The following MAPK4 variants were observed in gnomAD, a reference collection of about 807,000 sequenced individuals.
MAPK4 encodes the protein Erk3-related.
Under a neutral mutation model 47.7 loss-of-function variants are expected in MAPK4, and 22 were observed. That is an observed-to-expected ratio of 0.46 (90% CI 0.33 to 0.66). The LOEUF (loss-of-function observed/expected upper bound fraction) is 0.66, where lower values mean the gene tolerates loss of function less well. Among genes scored for constraint, MAPK4 ranks in the 30% least tolerant of loss-of-function variants. The pLI is 0.02. For synonymous variants in MAPK4, 390 were observed against 365.7 expected, an observed-to-expected ratio of 1.07 and a Z score of -0.76; for missense variants, 736 against 831.7, an observed-to-expected ratio of 0.88 and a Z score of 1.42.
intron 1 of MAPK4, among the ~76,000 whole-genome samples, chr18:50,564,605 A>G (rs982776611): frequency 2.0e-5 from 3 of 152,246 alleles, no homozygotes; most frequent in Admixed American, 6.5e-5. Flanking sequence ...TGTAATTAAC[A>G]TGGCAGAACT....
rs144711430 is a variant in MAPK4, at chr18:50,688,922, C to T, written c.546+24418C>T. On this transcript the variant is annotated intron_variant, in intron 2 of 5. Coordinates refer to ENST00000400384, the MANE Select transcript of MAPK4 (RefSeq NM_002747.4). ...AAAAAAAAAAAAAAGAAAGACAGTG[C>T]ATATCCCTTCTAGGACTCATAGAGC... Among the ~76,000 whole-genome samples the T allele has an allele frequency of 2.7e-5, 4 of 147,618 alleles. No homozygotes were observed. The East Asian group carries it at 8.0e-4, about 30-fold the overall frequency.
Position 50,715,174 on chromosome 18 carries a change from C to G in MAPK4, c.642C>G (p.Ala214=), listed in dbSNP as rs568288007. The G allele has an allele frequency of 8.3e-5, 134 of 1,614,046 alleles. No individual in the cohort carries two copies. The highest frequency in any genetic ancestry group is 9.9e-5 in the Non-Finnish European group (117 of 1,180,042). The stretch of plus-strand genomic sequence containing the variant: ...ACACCAAAGCCATCGACATGTGGGC[C>G]GCCGGCTGCATCCTGGCTGAGATGC... ...NNYTKAIDMW[A]AGCILAEMLT... The change falls in exon 3 of 6, where the codon GCC becomes GCG. Residue 214 remains alanine (A), a synonymous_variant. Transcript: ENST00000400384.
chr18:50,671,243 C>T (rs1269144067), intron 2 of MAPK4, among the ~76,000 whole-genome samples: 1 of 152,178 alleles, frequency 6.6e-6, no homozygotes, highest in African/African-American at 2.4e-5. Context: ...TACCCCATGG[C>T]ACGAGTTTAC....
intron 1 of MAPK4, among the ~76,000 whole-genome samples, chr18:50,567,725 G>A (rs1416570084): frequency 7.9e-6 from 1 of 127,328 alleles, no homozygotes; most frequent in Non-Finnish European, 1.6e-5. Flanking sequence ...ATTTTTTATA[G>A]GACTTTGTGT....
Position 50,616,356 on chromosome 18 carries a change from T to A in MAPK4, c.-870-46733T>A, listed in dbSNP as rs537328710. ...ACTCAACTCTCCTCAGCCTCTGGAA[T>A]GGGATTTCCTCATCCATAAAATATG... On this transcript the variant is annotated intron_variant, in intron 1 of 5. Transcript: ENST00000400384. Among the ~76,000 whole-genome samples, 79 of 152,298 alleles carry A rather than the reference T, an allele frequency of 5.2e-4. No homozygotes were observed. The Middle Eastern group carries it at 0.01, about 20-fold the overall frequency.
chr18:50,691,126 T>C (rs967897903), intron 2 of MAPK4, among the ~76,000 whole-genome samples: 9 of 152,224 alleles, frequency 5.9e-5, no homozygotes, highest in African/African-American at 2.2e-4. Flanking sequence ...CCATGTAGCT[T>C]GGACTACAGG....
chr18:50,626,554 A>G (rs1158808282), intron 1 of MAPK4, among the ~76,000 whole-genome samples: 1 of 152,122 alleles, frequency 6.6e-6, no homozygotes, highest in Non-Finnish European at 1.5e-5. Context: ...AAGGTGTCAC[A>G]TGTGGCCCAC....
rs192729999 is a variant in MAPK4, at chr18:50,709,027, C to T, written c.547-6052C>T. Among the ~76,000 whole-genome samples the T allele has an allele frequency of 8.9e-4, 136 of 152,306 alleles. 2 individuals carry two copies. The highest frequency in any genetic ancestry group is 5.6e-3 in the East Asian group (29 of 5,188). ...GATTTCTGTCTCACACATTGGCTCT[C>T]GGCTGTCCCCAGAGCCTCAGAGAAC... is the stretch of plus-strand genomic sequence containing the variant. On this transcript the variant is annotated intron_variant, in intron 2 of 5. Coordinates refer to ENST00000400384, the MANE Select transcript of MAPK4 (RefSeq NM_002747.4).
At chr18:50,636,396 A>G (rs755088727) in intron 1 of MAPK4, among the ~76,000 whole-genome samples, 9 of 152,222 alleles carry the variant, frequency 5.9e-5, no homozygotes, top group Non-Finnish European at 1.3e-4. Flanking sequence ...AGCAAAGGGC[A>G]GGGCAGCTAG....
intron 2 of MAPK4, among the ~76,000 whole-genome samples, chr18:50,699,175 A>G (rs1909656803): frequency 1.3e-5 from 2 of 152,266 alleles, no homozygotes; most frequent in Non-Finnish European, 2.9e-5. Flanking sequence ...ATCTCAATCG[A>G]TGCAGAAAAA....
intron 1 of MAPK4, among the ~76,000 whole-genome samples, chr18:50,612,975 C>T (rs747705345): frequency 1.3e-5 from 2 of 152,166 alleles, no homozygotes; most frequent in African/African-American, 2.4e-5. Context: ...CTCTGAAAAT[C>T]GTGTCTGCCA....
rs530221727 is a variant in MAPK4, at chr18:50,602,964, C to G, written c.-871+42721C>G. ...GTCAGAGGGCCAAGATGGGGACTTC[C>G]CTGAGCTACAAAAACTGCTCACATG... On this transcript the variant is annotated intron_variant, in intron 1 of 5. Coordinates refer to ENST00000400384, the MANE Select transcript of MAPK4 (RefSeq NM_002747.4). Among the ~76,000 whole-genome samples the G allele has an allele frequency of 2.6e-5, 4 of 152,190 alleles. No individual in the cohort carries two copies. In the East Asian group the frequency reaches 7.7e-4, roughly 29 times the overall value.
chr18:50,730,081 C>G lies in MAPK4; in HGVS notation c.*227C>G, dbSNP rs1911477158. The stretch of plus-strand genomic sequence containing the variant: ...AGGACCCTGGCTTAGGGGTTGATCA[C>G]TTTCCTAGCAAAGGGGAGACCACAT... On this transcript the variant is annotated 3_prime_UTR_variant, in exon 6 of 6. Coordinates refer to ENST00000400384, the MANE Select transcript of MAPK4 (RefSeq NM_002747.4). 4.6e-6 allele frequency: 2 copies of G among 431,174 alleles called. No homozygotes were observed. The highest frequency in any genetic ancestry group is 8.2e-6 in the Non-Finnish European group (2 of 244,860). 26.7% of individuals were successfully genotyped at this position (431,174 alleles called of 1,614,324 possible).
intron 2 of MAPK4, among the ~76,000 whole-genome samples, chr18:50,665,463 C>T (rs533271162): frequency 2.4e-4 from 37 of 152,354 alleles, no homozygotes; most frequent in African/African-American, 8.7e-4. Context: ...AAAACATCTC[C>T]TTGGGATTAG....
intron 1 of MAPK4, among the ~76,000 whole-genome samples, chr18:50,624,679 T>G (rs2042761007): frequency 6.6e-6 from 1 of 152,256 alleles, no homozygotes; most frequent in Non-Finnish European, 1.5e-5. Context: ...ATTTACAATT[T>G]TTTCAAAGTA....
chr18:50,704,369 C>T (rs1357445428), intron 2 of MAPK4, among the ~76,000 whole-genome samples: 3 of 152,048 alleles, frequency 2.0e-5, no homozygotes, highest in East Asian at 1.9e-4. Context: ...ATTAGCCAGG[C>T]GTGGTGGTGC....
intron 2 of MAPK4, among the ~76,000 whole-genome samples, chr18:50,681,837 G>T (rs2144317727): frequency 6.6e-6 from 1 of 152,298 alleles, no homozygotes; most frequent in South Asian, 2.1e-4. Context: ...AAGTCAGGAA[G>T]TATGAATACT....
intron 2 of MAPK4, among the ~76,000 whole-genome samples, chr18:50,692,753 C>T (rs1301576620): frequency 6.6e-6 from 1 of 152,076 alleles, no homozygotes; most frequent in East Asian, 1.9e-4. Context: ...TTGGAGAACT[C>T]AGAATAATGA....
chr18:50,729,375 G>A lies in MAPK4; in HGVS notation c.1285G>A (p.Asp429Asn), dbSNP rs755284302. ...CGAGGCCGACTACGGGCGCTCCTGC[G>A]ACTACAAGGTGGGGTCGCCGTCCTA... ...AFEADYGRSC[D>N]YKVGSPSYLD... The change falls in exon 6 of 6, where the codon GAC (aspartate) becomes AAC (asparagine). Residue 429 changes from aspartate to asparagine, a missense_variant. This residue lies in a region of MAPK4 where 377 missense variants were observed against 378.6 expected (regional missense o/e 1.00). Coordinates refer to ENST00000400384, the MANE Select transcript of MAPK4 (RefSeq NM_002747.4). 2.5e-6 allele frequency: 4 copies of A among 1,572,838 alleles called. No individual in the cohort carries two copies. Among genetic ancestry groups the A allele is most frequent in the Non-Finnish European group, 3.4e-6 (4 of 1,161,558 alleles).
Sources: allele counts gnomAD v4.1 joint callset (sites outside exome capture counted in the v4.1 genomes callset), GRCh38; gene constraint gnomAD v4.1.1; regional missense constraint gnomAD v4.1.1; transcripts MANE v1.5; gene names NCBI Gene and HGNC (gene_info 2026-07-23, HGNC 2026-07-21).